CATSPERE: variants seen among roughly 807,000 people sequenced by gnomAD.
CATSPERE encodes cation channel sperm-associated auxiliary subunit epsilon.
CATSPERE carries 93 observed loss-of-function variants against 114.1 expected under a neutral mutation model. That is an observed-to-expected ratio of 0.81 (90% CI 0.69 to 0.97). CATSPERE has a LOEUF of 0.97. Among genes scored for constraint, CATSPERE ranks in the 50% least tolerant of loss-of-function variants. CATSPERE has a pLI of 0.00. For synonymous variants in CATSPERE, 341 were observed against 384.1 expected (o/e 0.89, Z 1.31); for missense variants, 1,058 against 1,131.6 (o/e 0.93, Z 0.93).
At chr1:244,619,321 G>C (rs1170355710) in intron 20 of CATSPERE, among the ~76,000 whole-genome samples, 3 of 152,130 alleles carry the variant, frequency 2.0e-5, no homozygotes, top group East Asian at 3.8e-4. Context: ...AGACCACTGA[G>C]TTCTTCAAAT....
At chr1:244,582,057 A>G (rs1281838293) in intron 12 of CATSPERE, among the ~76,000 whole-genome samples, 1 of 152,222 alleles carries the variant, frequency 6.6e-6, no homozygotes, top group African/African-American at 2.4e-5. Flanking sequence ...AAGAAACATG[A>G]CCTATCTGAA....
chr1:244,568,442 G>A lies in CATSPERE; in HGVS notation c.1508-3888G>A, dbSNP rs937935981. Among the ~76,000 whole-genome samples the A allele has an allele frequency of 2.0e-5, 3 of 152,182 alleles. No homozygotes were observed. The highest frequency in any genetic ancestry group is 2.9e-5 in the Non-Finnish European group (2 of 68,034). ...TTAAGTCTGCTGAAGCTGCGCCCAG[G>A]GCCACCCCTTTCCCCAGGTGCTCTG... On this transcript the variant is annotated intron_variant, in intron 10 of 21. Transcript: ENST00000366534. The surrounding 1 kb of genome is among the most constrained non-coding windows in gnomAD (Gnocchi z 4.4).
intron 17 of CATSPERE, among the ~76,000 whole-genome samples, chr1:244,605,460 T>G (rs1669864048): frequency 6.6e-6 from 1 of 151,158 alleles, no homozygotes; most frequent in African/African-American, 2.5e-5. Context: ...TGAAAGAACA[T>G]CTGTTTATTT....
intron 3 of CATSPERE, 44 bp from the exon 4 acceptor site, chr1:244,477,862 C>A: frequency 7.0e-7 from 1 of 1,421,888 alleles, no homozygotes; most frequent in Non-Finnish European, 9.9e-7. Flanking sequence ...TTATTAATAT[C>A]ATATGCACCT....
At chr1:244,460,585 CAATA>C (rs1164640923), upstream of CATSPERE, among the ~76,000 whole-genome samples, 8 of 152,330 alleles carry the variant, frequency 5.3e-5, no homozygotes, top group African/African-American at 1.7e-4. Flanking sequence ...CAGTCTCCTG[CAATA>C]AATAAATAAA....
At chr1:244,630,852 A>G (rs1673853535) in intron 20 of CATSPERE, among the ~76,000 whole-genome samples, 2 of 152,010 alleles carry the variant, frequency 1.3e-5, no homozygotes, top group South Asian at 2.1e-4. Context: ...TATACATTAT[A>G]ATAAAGGATT....
At chr1:244,585,622 G>T (rs1373066397) in intron 13 of CATSPERE, among the ~76,000 whole-genome samples, 1 of 152,218 alleles carries the variant, frequency 6.6e-6, no homozygotes, top group East Asian at 1.9e-4. Flanking sequence ...GATAAATATT[G>T]TAGAGACATA....
chr1:244,455,129 T>C (rs1383338612), intron 1 of CATSPERE, among the ~76,000 whole-genome samples: 1 of 152,244 alleles, frequency 6.6e-6, no homozygotes, highest in African/African-American at 2.4e-5. Flanking sequence ...TGCTCAATAC[T>C]GTGTAACTCA....
At chr1:244,505,970 C>T (rs766078521) in intron 7 of CATSPERE, among the ~76,000 whole-genome samples, 1 of 152,150 alleles carries the variant, frequency 6.6e-6, no homozygotes, top group Non-Finnish European at 1.5e-5. Context: ...CACGCCGCTG[C>T]ACTCCAGCCT....
upstream of CATSPERE, among the ~76,000 whole-genome samples, chr1:244,452,346 T>G (rs577803098): frequency 1.3e-5 from 2 of 152,388 alleles, no homozygotes; most frequent in South Asian, 4.1e-4. Context: ...TTTGTCTGGA[T>G]TTGTCTTTAT....
In CATSPERE at chr1:244,518,650, C is replaced by T. The variant is rs753113480; in HGVS notation, c.488C>T (p.Thr163Ile). The change falls in exon 8 of 22, where the codon ACA (threonine) becomes ATA (isoleucine). Residue 163 changes from threonine (T) to isoleucine (I), a missense_variant. Around this residue, in one of 2 missense-constraint regions of CATSPERE, gnomAD observed 271 missense variants for 225.9 expected, o/e 1.20. Transcript: ENST00000366534. ...TTGGGACAGAAGCCTGTCATACATACAGTTCTGAAGAGAAAAGTTTATTCT... is the reference window on the plus strand; with the variant it reads ...TTGGGACAGAAGCCTGTCATACATATAGTTCTGAAGAGAAAAGTTTATTCT... ...ATLGQKPVIH[T>I]VLKRKVYSSN... is the part of the protein sequence containing the mutation. 1.2e-6 allele frequency: 2 copies of T among 1,600,238 alleles called. No homozygotes were observed. Among genetic ancestry groups the T allele is most frequent in the Admixed American group, 3.4e-5 (2 of 59,198 alleles).
intron 19 of CATSPERE, among the ~76,000 whole-genome samples, chr1:244,614,419 C>A (rs897768416): frequency 6.6e-6 from 1 of 152,206 alleles, no homozygotes; most frequent in Non-Finnish European, 1.5e-5. Context: ...CTATGACAAG[C>A]CTGTTTTCTC....
At position 244,572,780 on chromosome 1, in the gene CATSPERE, A is replaced by G; in HGVS notation, c.1950+8A>G. 6.6e-7 allele frequency: 1 copy of G among 1,516,908 alleles called. No individual in the cohort carries two copies. The highest frequency in any genetic ancestry group is 2.3e-5 in the East Asian group (1 of 43,940). 94.0% of individuals were successfully genotyped at this position (1,516,908 alleles called of 1,614,324 possible). On this transcript the variant is annotated splice_region_variant and intron_variant, in intron 11 of 21. Transcript: ENST00000366534. ...TACTGCACCAAAACTCTGGTAAGCT[A>G]ATATTTTAAATTTCTTCATTTGATT... is the stretch of plus-strand genomic sequence containing the variant.
chr1:244,539,623 A>T (rs34314946), intron 8 of CATSPERE, among the ~76,000 whole-genome samples: 127,639 of 147,090 alleles, frequency 0.87, 56,347 homozygotes, highest in East Asian at 1. Flanking sequence ...TTGGTTGGTA[A>T]GCTATTGATT....
chr1:244,498,644 T>C (rs1673498603), intron 6 of CATSPERE, among the ~76,000 whole-genome samples: 1 of 152,196 alleles, frequency 6.6e-6, no homozygotes, highest in Non-Finnish European at 1.5e-5. Context: ...ACGCCTGTAA[T>C]CGCAGCACTT....
At chr1:244,578,447 G>A (rs902571781) in intron 11 of CATSPERE, among the ~76,000 whole-genome samples, 9 of 151,984 alleles carry the variant, frequency 5.9e-5, no homozygotes, top group African/African-American at 1.7e-4. Flanking sequence ...CACCACACCC[G>A]GCCGTGGTAT....
Position 244,573,491 on chromosome 1 carries a change from C to G in CATSPERE, c.1950+719C>G, listed in dbSNP as rs114798396. The stretch of plus-strand genomic sequence containing the variant: ...ATAGTTTGGGCTGTGAGTAGCCATG[C>G]AGTTCTGCTGGTTTCATCTGGGTTC... On this transcript the variant is annotated intron_variant, in intron 11 of 21. Coordinates refer to ENST00000366534, the MANE Select transcript of CATSPERE (RefSeq NM_001130957.2). This position sits in a 1 kb window ranked among gnomAD's most constrained non-coding sequence, Gnocchi z 4.0. 9.7e-3 allele frequency among the ~76,000 whole-genome samples: 1,482 copies of G among 152,278 alleles called. 29 individuals carry two copies. Among genetic ancestry groups the G allele is most frequent in the African/African-American group, 0.033 (1,364 of 41,554 alleles).
At chr1:244,593,761 G>T (rs1374543209) in intron 17 of CATSPERE, among the ~76,000 whole-genome samples, 183 bp downstream of exon 17, 7 of 152,154 alleles carry the variant, frequency 4.6e-5, no homozygotes, top group Non-Finnish European at 1.0e-4. Context: ...CATGTTGAGG[G>T]ACATCACTAT....
upstream of CATSPERE, among the ~76,000 whole-genome samples, chr1:244,460,191 T>C (rs1318127178): frequency 4.6e-5 from 7 of 152,196 alleles, no homozygotes; most frequent in Admixed American, 4.6e-4. Context: ...AAAGCAGACC[T>C]CCTTCTTGCC....
Sources: gnomAD v4.1 joint callset for allele counts (sites outside exome capture counted in the v4.1 genomes callset) on GRCh38, gnomAD v4.1.1 for gene constraint, gnomAD v4.1.1 regional missense constraint, Gnocchi (gnomAD v3.1) non-coding constraint, MANE v1.5 for transcripts, NCBI Gene and HGNC (gene_info 2026-07-23, HGNC 2026-07-21) for gene names.